Variants in FBXW7 observed in about 807,000 individuals in gnomAD.
FBXW7 encodes F-box and WD repeat domain containing 7, also known as F-box/WD repeat-containing protein 7.
In FBXW7, 11 loss-of-function variants were observed where a neutral mutation model predicts 86.3. The observed-to-expected ratio is 0.13, with a 90% confidence interval of 0.08 to 0.21. The LOEUF (loss-of-function observed/expected upper bound fraction) is 0.21. Among genes scored for constraint, FBXW7 ranks in the 10% least tolerant of loss-of-function variants. The pLI, the probability that FBXW7 is intolerant of heterozygous loss-of-function variation, is 1.00. For missense variants in FBXW7, 488 were observed against 847.4 expected (o/e 0.58, Z 5.27); for synonymous variants, 313 against 297.9 (o/e 1.05, Z -0.52).
chr4:152,480,975 G>A (rs2149669263), intron 2 of FBXW7, among the ~76,000 whole-genome samples: 1 of 152,342 alleles, frequency 6.6e-6, no homozygotes, highest in African/African-American at 2.4e-5. Flanking sequence ...GATCACTGAT[G>A]AAGGTGGCTA....
At chr4:152,347,143 C>T in intron 5 of FBXW7, 72 bp from the exon 6 acceptor site, 2 of 1,255,456 alleles carry the variant, frequency 1.6e-6, no homozygotes, top group Non-Finnish European at 2.2e-6. Flanking sequence ...AAGATAGATA[C>T]TTATTAATAA....
intron 2 of FBXW7, among the ~76,000 whole-genome samples, chr4:152,414,490 A>G (rs889007282): frequency 6.6e-6 from 1 of 152,148 alleles, no homozygotes; most frequent in Non-Finnish European, 1.5e-5. Context: ...AAATGACTAT[A>G]AAAGTATCAT....
At chr4:152,429,480 A>G (rs1739696376) in intron 2 of FBXW7, among the ~76,000 whole-genome samples, 3 of 152,134 alleles carry the variant, frequency 2.0e-5, no homozygotes, top group South Asian at 2.1e-4. Flanking sequence ...AGTTATCTCA[A>G]CAAGGGTCTT....
At chr4:152,370,825 T>C (rs1215085877) in intron 4 of FBXW7, among the ~76,000 whole-genome samples, 1 of 151,204 alleles carries the variant, frequency 6.6e-6, no homozygotes, top group Non-Finnish European at 1.5e-5. Flanking sequence ...AGTATTAATA[T>C]TTGAGAAAGA....
intron 2 of FBXW7, among the ~76,000 whole-genome samples, chr4:152,468,247 G>A (rs1743633397): frequency 6.6e-6 from 1 of 151,904 alleles, no homozygotes; most frequent in South Asian, 2.1e-4. Flanking sequence ...GTTACACACA[G>A]GTACTATATT....
intron 11 of FBXW7, 55 bp from the exon 12 acceptor site, chr4:152,326,286 T>C: frequency 1.4e-6 from 2 of 1,413,532 alleles, no homozygotes; most frequent in East Asian, 2.3e-5. Flanking sequence ...ACGTTTAGAA[T>C]TTTTAATAAT....
intron 8 of FBXW7, among the ~76,000 whole-genome samples, chr4:152,331,339 A>T (rs1729546236): frequency 6.6e-6 from 1 of 152,108 alleles, no homozygotes; most frequent in South Asian, 2.1e-4. Context: ...CCAAGGGTCC[A>T]TCGAAAGATG....
chr4:152,351,813 C>T (rs926570095), intron 4 of FBXW7, among the ~76,000 whole-genome samples: 1 of 152,018 alleles, frequency 6.6e-6, no homozygotes, highest in African/African-American at 2.4e-5. Context: ...CCATTTGCCA[C>T]TAAAAGCAAA....
intron 7 of FBXW7, among the ~76,000 whole-genome samples, chr4:152,337,298 T>A (rs1158473909): frequency 6.6e-6 from 1 of 151,944 alleles, no homozygotes; most frequent in Non-Finnish European, 1.5e-5. Context: ...TGTGAAATTA[T>A]AATATTTGTA....
intron 2 of FBXW7, among the ~76,000 whole-genome samples, chr4:152,436,462 G>T (rs1740396014): frequency 1.3e-5 from 2 of 152,254 alleles, no homozygotes; most frequent in South Asian, 4.1e-4. Context: ...AGGTAAAGCA[G>T]CAAATGCTGA....
At chr4:152,430,853 C>T (rs1477193222) in intron 2 of FBXW7, among the ~76,000 whole-genome samples, 2 of 152,174 alleles carry the variant, frequency 1.3e-5, no homozygotes, top group African/African-American at 2.4e-5. Flanking sequence ...AATATGTTTA[C>T]AGCAACTACA....
chr4:152,431,226 C>A (rs1739862791), intron 2 of FBXW7, among the ~76,000 whole-genome samples: 1 of 152,144 alleles, frequency 6.6e-6, no homozygotes, highest in African/African-American at 2.4e-5. Context: ...TGCATTCTGT[C>A]AAAAGACAAA....
At chr4:152,422,916 A>G (rs1438496432) in intron 2 of FBXW7, among the ~76,000 whole-genome samples, 1 of 152,130 alleles carries the variant, frequency 6.6e-6, no homozygotes, top group East Asian at 1.9e-4. Context: ...TTTAATCTAC[A>G]GGTTTATTTT....
intron 2 of FBXW7, among the ~76,000 whole-genome samples, chr4:152,446,601 C>CT (rs779100432): frequency 1.6e-4 from 25 of 152,306 alleles, no homozygotes; most frequent in East Asian, 1.2e-3. Flanking sequence ...ATCCAGGGCT[C>CT]TTTAGAAAAG....
intron 5 of FBXW7, among the ~76,000 whole-genome samples, chr4:152,349,742 C>G (rs1275388128): frequency 1.3e-5 from 2 of 151,770 alleles, no homozygotes; most frequent in African/African-American, 4.8e-5. Flanking sequence ...CACAGGGGCT[C>G]ATATTCATAT....
chr4:152,441,969 T>C (rs769981368), intron 2 of FBXW7, among the ~76,000 whole-genome samples: 5 of 152,168 alleles, frequency 3.3e-5, no homozygotes, highest in Admixed American at 1.3e-4. Flanking sequence ...GGGTAAAGAA[T>C]AACATTTCAC....
intron 2 of FBXW7, among the ~76,000 whole-genome samples, chr4:152,448,052 C>A (rs1741571692): frequency 1.3e-5 from 2 of 152,216 alleles, no homozygotes; most frequent in Non-Finnish European, 2.9e-5. Flanking sequence ...CATAAAGTTA[C>A]TGAGGCTACT....
At position 152,321,828 on chromosome 4, in the gene FBXW7, G is replaced by A. The variant is rs576861060; in HGVS notation, c.*1053C>T. On this transcript the variant is annotated 3_prime_UTR_variant, in exon 14 of 14. Transcript: ENST00000281708. ...GTAATAGCTCTGTTCCAAGGAATGTGTTTTAATTTTTGCCCAGATAAAAGA... is the reference window on the plus strand; with the variant it reads ...GTAATAGCTCTGTTCCAAGGAATGTATTTTAATTTTTGCCCAGATAAAAGA... The A allele has an allele frequency of 5.9e-4, 138 of 232,826 alleles. No individual in the cohort carries two copies. Among genetic ancestry groups the A allele is most frequent in the African/African-American group, 2.6e-3 (118 of 45,398 alleles). 14.4% of individuals were successfully genotyped at this position (232,826 alleles called of 1,614,324 possible).
intron 2 of FBXW7, among the ~76,000 whole-genome samples, chr4:152,439,866 A>C (rs1207584570): frequency 1.8e-5 from 2 of 113,614 alleles, no homozygotes; most frequent in African/African-American, 3.8e-5. Context: ...ACTCCGTCAC[A>C]AAAAAAAAAA....
Sources: allele counts gnomAD v4.1 joint callset (sites outside exome capture counted in the v4.1 genomes callset), GRCh38; gene constraint gnomAD v4.1.1; transcripts MANE v1.5; gene names NCBI Gene and HGNC (gene_info 2026-07-23, HGNC 2026-07-21).